MAX: variants seen among roughly 807,000 people sequenced by gnomAD.
The protein encoded by MAX is protein max.
A neutral mutation model predicts 22.3 loss-of-function variants in MAX; 3 were observed. The observed-to-expected ratio is 0.13, with a 90% confidence interval of 0.06 to 0.35. MAX has a LOEUF of 0.35. MAX is among the 10% of genes least tolerant of loss of function. The pLI, the probability that MAX is intolerant of heterozygous loss-of-function variation, is 1.00. For synonymous variants in MAX, 72 were observed against 77.7 expected, an observed-to-expected ratio of 0.93 and a Z score of 0.39; for missense variants, 119 against 209.4, an observed-to-expected ratio of 0.57 and a Z score of 2.66.
intron 1 of MAX, 74 bp from the exon 2 acceptor site, chr14:65,101,646 G>A (rs2063840464): frequency 1.7e-6 from 2 of 1,187,326 alleles, no homozygotes; most frequent in African/African-American, 1.5e-5. Flanking sequence ...TAATAAGAAA[G>A]AAAATGCCGG....
At position 65,082,094 on chromosome 14, in the gene MAX, A is replaced by G. The variant is rs1429205024; in HGVS notation, c.172-4058T>C. On this transcript the variant is annotated intron_variant, in intron 3 of 4. Coordinates refer to ENST00000358664, the MANE Select transcript of MAX (RefSeq NM_002382.5). The surrounding 1 kb of genome is among the most constrained non-coding windows in gnomAD (Gnocchi z 4.8). ...TGATGTTTTCCCTATTTTATAAATG[A>G]GGAAACCGAGACACAGAGCTGTAAT... The G allele has an allele frequency of 6.6e-6, 1 of 152,226 alleles. No homozygotes were observed. The highest frequency in any genetic ancestry group is 6.5e-5 in the Admixed American group (1 of 15,286). The allele number at this position is 152,226 out of a possible 1,614,324, so 9.4% of individuals were successfully genotyped here.
chr14:65,092,142 T>A (rs2063526459), intron 3 of MAX, among the ~76,000 whole-genome samples: 2 of 152,212 alleles, frequency 1.3e-5, no homozygotes, highest in Admixed American at 1.3e-4. Flanking sequence ...ATAGTTGTGA[T>A]CCTATGACCC....
At chr14:65,057,946 A>C (rs1472172702) in intron 3 of MAX, among the ~76,000 whole-genome samples, 2 of 152,176 alleles carry the variant, frequency 1.3e-5, no homozygotes, top group Non-Finnish European at 2.9e-5. Context: ...GCAAGTCTGA[A>C]AACAGGTAGG....
At chr14:65,035,709 A>T (rs150493309) in intron 3 of MAX, among the ~76,000 whole-genome samples, 1 of 151,790 alleles carries the variant, frequency 6.6e-6, no homozygotes, top group Non-Finnish European at 1.5e-5. Flanking sequence ...TTTAAAAAAA[A>T]AATTTGTAGA....
At chr14:65,053,522 T>C (rs1226259797) in intron 3 of MAX, among the ~76,000 whole-genome samples, 2 of 151,932 alleles carry the variant, frequency 1.3e-5, no homozygotes, top group East Asian at 1.9e-4. Context: ...CTTGAGGCCA[T>C]TGATCTTGGC....
chr14:65,021,526 G>A (rs1388664021), intron 3 of MAX, among the ~76,000 whole-genome samples: 1 of 152,300 alleles, frequency 6.6e-6, no homozygotes, highest in East Asian at 1.9e-4. Flanking sequence ...CTGGCCAGGT[G>A]CTGTTGGCAC....
intron 2 of MAX, among the ~76,000 whole-genome samples, chr14:65,098,549 C>T (rs1280353980): frequency 6.6e-6 from 1 of 152,162 alleles, no homozygotes; most frequent in African/African-American, 2.4e-5. Context: ...TTCCTGTATA[C>T]TTACACTCTT....
chr14:65,026,630 C>T (rs552343763), intron 3 of MAX, among the ~76,000 whole-genome samples: 4 of 152,208 alleles, frequency 2.6e-5, no homozygotes, highest in East Asian at 1.9e-4. Context: ...GAGGCTGCGG[C>T]GGGTGGATCA....
chr14:65,101,588 A>G lies in MAX; in HGVS notation c.37-16T>C, dbSNP rs538042707. The G allele has an allele frequency of 1.3e-4, 200 of 1,558,802 alleles. No individual in the cohort carries two copies. The highest frequency in any genetic ancestry group is 2.6e-4 in the African/African-American group (19 of 72,146). ...GTTGCTCTTCCTGGAATAAGAGAGAAAAAAAAAAATAGAAAATATAGAAGT... is the reference window on the plus strand; with the variant it reads ...GTTGCTCTTCCTGGAATAAGAGAGAGAAAAAAAAATAGAAAATATAGAAGT... On this transcript the variant is annotated splice_polypyrimidine_tract_variant and intron_variant, in intron 1 of 4. Coordinates refer to ENST00000358664, the MANE Select transcript of MAX (RefSeq NM_002382.5).
intron 3 of MAX, among the ~76,000 whole-genome samples, chr14:65,008,651 TC>T (rs1278328359): frequency 1.3e-5 from 2 of 152,098 alleles, no homozygotes; most frequent in Non-Finnish European, 2.9e-5. Flanking sequence ...GGGAGAGTGT[TC>T]CAGGCAGAGG....
intron 3 of MAX, among the ~76,000 whole-genome samples, chr14:65,059,830 CT>C (rs1190874432): frequency 7.7e-6 from 1 of 129,300 alleles, no homozygotes; most frequent in African/African-American, 3.8e-5. Flanking sequence ...GGTTGTGGTC[CT>C]TTTTTCTTTT....
rs2062424065 is a variant in MAX, at chr14:65,044,191, G to A, written c.172-37907C>T. On this transcript the variant is annotated intron_variant, in intron 3 of 3. Coordinates refer to the MAX transcript ENST00000341653. This position sits in a 1 kb window ranked among gnomAD's most constrained non-coding sequence, Gnocchi z 5.5. ...AGAAAACCAGAGCACCAAAACTAGAGTGCCAAGAAGCCACAAGATGGGAAA... is the reference window on the plus strand; with the variant it reads ...AGAAAACCAGAGCACCAAAACTAGAATGCCAAGAAGCCACAAGATGGGAAA... 1.9e-6 allele frequency: 3 copies of A among 1,547,650 alleles called. No homozygotes were observed. Among genetic ancestry groups the A allele is most frequent in the Non-Finnish European group, 2.6e-6 (3 of 1,137,734 alleles).
intron 3 of MAX, among the ~76,000 whole-genome samples, chr14:65,065,234 G>A (rs1440421170): frequency 1.3e-5 from 2 of 152,212 alleles, no homozygotes; most frequent in African/African-American, 4.8e-5. Context: ...AGCGTGAGAA[G>A]CCAGCACACA....
chr14:65,076,102 G>GT lies in MAX; in HGVS notation c.*373dup. On this transcript the variant is annotated 3_prime_UTR_variant, in exon 5 of 5. Coordinates refer to ENST00000358664, the MANE Select transcript of MAX (RefSeq NM_002382.5). This position sits in a 1 kb window ranked among gnomAD's most constrained non-coding sequence, Gnocchi z 6.6. ...AGGAGGCCACCTGGGCAGGGCAGGC[G>GT]TCCCCCGGGCATGTGCCCGGCAGGG... is the stretch of plus-strand genomic sequence containing the variant. The GT allele has an allele frequency of 7.9e-7, 1 of 1,268,212 alleles. No homozygotes were observed. The highest frequency in any genetic ancestry group is 3.4e-5 in the East Asian group (1 of 29,008). The allele number at this position is 1,268,212 out of a possible 1,614,324, so 78.6% of individuals were successfully genotyped here.
intron 3 of MAX, among the ~76,000 whole-genome samples, chr14:65,045,409 G>A (rs139065041): frequency 0.19 from 10,433 of 56,050 alleles, 455 homozygotes; most frequent in Non-Finnish European, 0.24. Context: ...CCCACCCCCC[G>A]TCTTCCCCCC....
intron 3 of MAX, among the ~76,000 whole-genome samples, chr14:65,060,891 A>C (rs188721203): frequency 0.07 from 9,887 of 141,612 alleles, 493 homozygotes; most frequent in East Asian, 0.26. Flanking sequence ...AAAAAAAAAA[A>C]AAAACAGTTT....
intron 3 of MAX, among the ~76,000 whole-genome samples, chr14:65,013,355 C>T (rs769475556): frequency 3.2e-4 from 49 of 151,630 alleles, no homozygotes; most frequent in Non-Finnish European, 5.7e-4. Context: ...CAAATGAAGC[C>T]GGAAATCACG....
At chr14:65,085,778 C>G (rs182034559) in intron 3 of MAX, among the ~76,000 whole-genome samples, 2 of 152,108 alleles carry the variant, frequency 1.3e-5, no homozygotes, top group Non-Finnish European at 2.9e-5. Context: ...GTGAGCAGGG[C>G]TCATCAATAT....
chr14:65,035,536 C>G (rs968223749), intron 3 of MAX, among the ~76,000 whole-genome samples: 1 of 151,988 alleles, frequency 6.6e-6, no homozygotes, highest in Non-Finnish European at 1.5e-5. Flanking sequence ...TCAATTCTCT[C>G]TTTCTTTTTT....
Sources: gnomAD v4.1 joint callset for allele counts (sites outside exome capture counted in the v4.1 genomes callset) on GRCh38, gnomAD v4.1.1 for gene constraint, Gnocchi (gnomAD v3.1) non-coding constraint, MANE v1.5 for transcripts, NCBI Gene and HGNC (gene_info 2026-07-23, HGNC 2026-07-21) for gene names.